Variants in FCF1 observed in about 807,000 individuals in gnomAD.
The protein encoded by FCF1 is FCF1 rRNA-processing protein, also known as rRNA-processing protein FCF1 homolog.
A neutral mutation model predicts 32.5 loss-of-function variants in FCF1; 17 were observed. That is an observed-to-expected ratio of 0.52 (90% CI 0.36 to 0.78). The LOEUF (loss-of-function observed/expected upper bound fraction) is 0.78. Among genes scored for constraint, FCF1 ranks in the 30% least tolerant of loss-of-function variants. The pLI is 0.00. For missense variants in FCF1, 201 were observed against 241.1 expected (o/e 0.83, Z 1.10); for synonymous variants, 84 against 78.4 (o/e 1.07, Z -0.38).
intron 5 of FCF1, among the ~76,000 whole-genome samples, chr14:74,724,677 A>C (rs971834303): frequency 6.6e-6 from 1 of 151,990 alleles, no homozygotes; most frequent in African/African-American, 2.4e-5. Flanking sequence ...GGCTGAGGCA[A>C]GTGGATTGTT....
Position 74,735,937 on chromosome 14 carries a change from C to T in FCF1, c.*1007C>T, listed in dbSNP as rs190996926. 6.5e-6 allele frequency: 1 copy of T among 153,748 alleles called. No homozygotes were observed. Among genetic ancestry groups the T allele is most frequent in the Non-Finnish European group, 1.4e-5 (1 of 69,394 alleles). 9.5% of individuals were successfully genotyped at this position (153,748 alleles called of 1,614,324 possible). ...GTTTGTTTTGAGACGGAGTCTCGCT[C>T]TGTCACCAGGCTGGAGTGCAGTGGC... On this transcript the variant is annotated 3_prime_UTR_variant, in exon 8 of 8. Coordinates refer to ENST00000341162, the MANE Select transcript of FCF1 (RefSeq NM_015962.5).
chr14:74,713,233 C>T (rs780256663), intron 1 of FCF1, 33 bp downstream of exon 1: 1 of 1,614,184 alleles, frequency 6.2e-7, no homozygotes, highest in South Asian at 1.1e-5. Context: ...GGGACGTTAT[C>T]AGGCCACTTT....
At chr14:74,728,827 G>A (rs1474325395) in intron 5 of FCF1, among the ~76,000 whole-genome samples, 34 of 152,120 alleles carry the variant, frequency 2.2e-4, no homozygotes, top group Non-Finnish European at 1.5e-5. Context: ...GTTGACTTTT[G>A]CCAAAGGCCT....
intron 5 of FCF1, among the ~76,000 whole-genome samples, chr14:74,732,142 A>T (rs1325528799): frequency 6.8e-6 from 1 of 147,634 alleles, no homozygotes; most frequent in East Asian, 2.0e-4. Flanking sequence ...GTATTTTATT[A>T]ATTAAATCAT....
In FCF1 at chr14:74,720,391, A is replaced by G. The variant is rs76157155; in HGVS notation, c.293-2881A>G. Among the ~76,000 whole-genome samples, 5 of 152,256 alleles carry G rather than the reference A, an allele frequency of 3.3e-5. No individual in the cohort carries two copies. In the South Asian group the frequency reaches 8.3e-4, roughly 25 times the overall value. On this transcript the variant is annotated intron_variant, in intron 4 of 7. Transcript: ENST00000341162. Reference sequence around the variant, plus strand: ...TCTCTCTATTTCTAGGCAACCACTAATCTACTTTCTGTTTCTATAAATTTC... The same window carrying G: ...TCTCTCTATTTCTAGGCAACCACTAGTCTACTTTCTGTTTCTATAAATTTC...
intron 5 of FCF1, among the ~76,000 whole-genome samples, chr14:74,728,552 G>T (rs1005490319): frequency 1.1e-4 from 17 of 152,306 alleles, no homozygotes; most frequent in Non-Finnish European, 2.2e-4. Context: ...TCTGCAAACG[G>T]ACAATTTGAC....
At chr14:74,734,253 G>A (rs763763934) in intron 7 of FCF1, 83 bp downstream of exon 7, 2 of 768,712 alleles carry the variant, frequency 2.6e-6, no homozygotes, top group East Asian at 2.7e-5. Context: ...AGGTTATAAA[G>A]GATTTGAAAG....
intron 4 of FCF1, among the ~76,000 whole-genome samples, chr14:74,717,596 G>T (rs934884567): frequency 1.3e-5 from 2 of 152,176 alleles, no homozygotes; most frequent in Middle Eastern, 3.2e-3. Context: ...TAAAGTTGAG[G>T]TGCTACCAGG....
At chr14:74,723,095 C>A (rs562806022) in intron 4 of FCF1, among the ~76,000 whole-genome samples, 177 bp from the exon 5 acceptor site, 1 of 152,208 alleles carries the variant, frequency 6.6e-6, no homozygotes, top group Admixed American at 6.6e-5. Context: ...GGGGTTGGGA[C>A]AATCTTAGTT....
intron 3 of FCF1, chr14:74,715,703 A>G (rs867030491): frequency 1.4e-5 from 10 of 706,000 alleles, no homozygotes; most frequent in Admixed American, 2.6e-5. Context: ...AGATTGGATA[A>G]TTGCTTTTTT....
At chr14:74,732,933 A>T (rs534134255) in intron 6 of FCF1, 115 bp downstream of exon 6, 77 of 557,456 alleles carry the variant, frequency 1.4e-4, no homozygotes, top group African/African-American at 9.2e-4. Flanking sequence ...TGGTTAAATT[A>T]AAAAAAAATT....
intron 5 of FCF1, among the ~76,000 whole-genome samples, chr14:74,726,219 C>T (rs892988680): frequency 1.3e-5 from 2 of 151,916 alleles, no homozygotes; most frequent in Admixed American, 1.3e-4. Flanking sequence ...GGCACTGTGG[C>T]TCACTCCTGT....
At chr14:74,719,322 G>GAAA (rs2090467668) in intron 4 of FCF1, among the ~76,000 whole-genome samples, 1 of 139,616 alleles carries the variant, frequency 7.2e-6, no homozygotes, top group Non-Finnish European at 1.5e-5. Flanking sequence ...AGAAGAAGAA[G>GAAA]AAAAGAAAGT....
chr14:74,720,451 T>C (rs993512502), intron 4 of FCF1, among the ~76,000 whole-genome samples: 1 of 152,240 alleles, frequency 6.6e-6, no homozygotes, highest in Non-Finnish European at 1.5e-5. Context: ...TAGAATCTTA[T>C]AATATTTGGT....
chr14:74,736,108 T>C lies in FCF1; in HGVS notation c.*1178T>C, dbSNP rs764310069. On this transcript the variant is annotated 3_prime_UTR_variant, in exon 8 of 8. Transcript: ENST00000341162. ...CACTGATGCTGTTTTGAAATTGATA[T>C]TTTGTCTCATAAAAACTAGGCCAGG... 1.3e-5 allele frequency: 2 copies of C among 152,312 alleles called. No homozygotes were observed. The highest frequency in any genetic ancestry group is 2.9e-5 in the Non-Finnish European group (2 of 68,206). The allele number at this position is 152,312 out of a possible 1,614,324, so 9.4% of individuals were successfully genotyped here.
At chr14:74,723,540 C>T (rs1250683634) in intron 5 of FCF1, among the ~76,000 whole-genome samples, 196 bp downstream of exon 5, 1 of 151,902 alleles carries the variant, frequency 6.6e-6, no homozygotes, top group African/African-American at 2.4e-5. Flanking sequence ...ATAGAAAATA[C>T]AGAGAATATC....
chr14:74,729,133 T>G (rs1045168312), intron 5 of FCF1, among the ~76,000 whole-genome samples: 3 of 152,166 alleles, frequency 2.0e-5, no homozygotes, highest in African/African-American at 7.2e-5. Flanking sequence ...AGTTAGGGAG[T>G]ATTCCCTCTT....
intron 4 of FCF1, among the ~76,000 whole-genome samples, chr14:74,717,954 G>A (rs1175091765): frequency 6.6e-6 from 1 of 151,942 alleles, no homozygotes; most frequent in Admixed American, 6.6e-5. Flanking sequence ...AGCTCACTGC[G>A]ACCTCCGCCT....
rs374622138 is a variant in FCF1, at chr14:74,718,065, A to C, written c.292+1966A>C. Among the ~76,000 whole-genome samples, 221 of 152,176 alleles carry C rather than the reference A, an allele frequency of 1.5e-3. 5 individuals are homozygous for C. The East Asian group carries it at 0.04, about 28-fold the overall frequency. ...ATTTTTCGTAGAGGCGGGTTTCACC[A>C]TATTGGTCAGGCTGGTCTCAAACTC... On this transcript the variant is annotated intron_variant, in intron 4 of 7. Coordinates refer to ENST00000341162, the MANE Select transcript of FCF1 (RefSeq NM_015962.5).
Sources: gnomAD v4.1 joint callset for allele counts (sites outside exome capture counted in the v4.1 genomes callset) on GRCh38, gnomAD v4.1.1 for gene constraint, MANE v1.5 for transcripts, NCBI Gene and HGNC (gene_info 2026-07-23, HGNC 2026-07-21) for gene names.